CDH12: variants seen among roughly 807,000 people sequenced by gnomAD.
CDH12 encodes cadherin-12.
Under a neutral mutation model 74.1 loss-of-function variants are expected in CDH12, and 41 were observed. The ratio of observed to expected loss-of-function variants is 0.55; its 90% CI spans 0.43 to 0.72. The LOEUF is 0.72. Among genes scored for constraint, CDH12 ranks in the 30% least tolerant of loss-of-function variants. The pLI is 0.00. For missense variants in CDH12, 945 were observed against 977.2 expected, an observed-to-expected ratio of 0.97 and a Z score of 0.44; for synonymous variants, 399 against 355.0, an observed-to-expected ratio of 1.12 and a Z score of -1.39.
chr5:22,336,601 G>C (rs1739594445), intron 3 of CDH12, among the ~76,000 whole-genome samples: 1 of 152,230 alleles, frequency 6.6e-6, no homozygotes, highest in African/African-American at 2.4e-5. Flanking sequence ...TTCAGAGGGT[G>C]CAAGCCACAA....
intron 2 of CDH12, among the ~76,000 whole-genome samples, chr5:22,468,608 T>A (rs1297121870): frequency 6.6e-6 from 1 of 152,124 alleles, no homozygotes; most frequent in Non-Finnish European, 1.5e-5. Flanking sequence ...TCTCCATAGC[T>A]TTGTTTTACT....
intron 5 of CDH12, among the ~76,000 whole-genome samples, chr5:22,076,102 A>G (rs1213433640): frequency 1.3e-5 from 2 of 152,136 alleles, no homozygotes; most frequent in Admixed American, 6.6e-5. Context: ...TTAGAAATGT[A>G]CATTGCTTGA....
chr5:22,547,050 T>C (rs949917561), intron 1 of CDH12, among the ~76,000 whole-genome samples: 1 of 152,216 alleles, frequency 6.6e-6, no homozygotes, highest in Non-Finnish European at 1.5e-5. Flanking sequence ...AAATCATATT[T>C]ATGATGCACA....
At chr5:21,836,379 G>C (rs1749536539) in intron 8 of CDH12, among the ~76,000 whole-genome samples, 2 of 150,616 alleles carry the variant, frequency 1.3e-5, no homozygotes, top group Non-Finnish European at 3.0e-5. Flanking sequence ...TTCTTAGAAC[G>C]ATTATTGACG....
At chr5:22,845,286 T>G (rs1338175406) in intron 1 of CDH12, among the ~76,000 whole-genome samples, 1 of 152,124 alleles carries the variant, frequency 6.6e-6, no homozygotes, top group African/African-American at 2.4e-5. Context: ...GATTAGTACA[T>G]TTATAGGCCA....
At chr5:22,648,038 G>A (rs74492364) in intron 1 of CDH12, among the ~76,000 whole-genome samples, 8,066 of 151,750 alleles carry the variant, frequency 0.053, 253 homozygotes, top group Non-Finnish European at 0.062. Flanking sequence ...CTAAATATTT[G>A]TGAATTGCCA....
chr5:22,720,490 T>G (rs910121173), intron 1 of CDH12, among the ~76,000 whole-genome samples: 1 of 152,038 alleles, frequency 6.6e-6, no homozygotes, highest in East Asian at 1.9e-4. Flanking sequence ...ATATCGGAAA[T>G]TGGTGCTGCA....
intron 3 of CDH12, among the ~76,000 whole-genome samples, chr5:22,217,377 A>C (rs937950540): frequency 1.3e-5 from 2 of 151,826 alleles, no homozygotes; most frequent in Non-Finnish European, 3.0e-5. Flanking sequence ...AAAATTGGAG[A>C]GCATACTTAA....
At chr5:22,575,629 A>G (rs1303140586) in intron 1 of CDH12, among the ~76,000 whole-genome samples, 2 of 152,030 alleles carry the variant, frequency 1.3e-5, no homozygotes, top group Admixed American at 1.3e-4. Flanking sequence ...CACTGTTGCG[A>G]TCTCGGATCA....
intron 1 of CDH12, among the ~76,000 whole-genome samples, chr5:22,801,664 TATATA>T (rs1178089220): frequency 1.7e-5 from 2 of 121,104 alleles, no homozygotes; most frequent in Non-Finnish European, 3.2e-5. Flanking sequence ...TATATATATA[TATATA>T]TATATATATA....
intron 8 of CDH12, among the ~76,000 whole-genome samples, chr5:21,820,158 GC>G (rs1748286935): frequency 1.3e-5 from 2 of 151,894 alleles, no homozygotes; most frequent in South Asian, 4.1e-4. Flanking sequence ...AGATGAAAGA[GC>G]CCCCTTTCCA....
At chr5:22,728,228 G>A (rs978292545) in intron 1 of CDH12, among the ~76,000 whole-genome samples, 2 of 151,182 alleles carry the variant, frequency 1.3e-5, no homozygotes, top group African/African-American at 4.9e-5. Flanking sequence ...CCCAGTTCTA[G>A]TATTTCCATG....
intron 6 of CDH12, among the ~76,000 whole-genome samples, chr5:21,921,084 T>A (rs1428924984): frequency 6.6e-6 from 1 of 152,222 alleles, no homozygotes; most frequent in African/African-American, 2.4e-5. Context: ...CTTCTGTCTC[T>A]GTCCTTGAGG....
intron 8 of CDH12, among the ~76,000 whole-genome samples, chr5:21,830,207 A>G (rs1748931452): frequency 6.9e-6 from 1 of 145,968 alleles, no homozygotes; most frequent in African/African-American, 2.6e-5. Context: ...CTCAAAAAAA[A>G]AAAAAAAAAA....
intron 1 of CDH12, among the ~76,000 whole-genome samples, chr5:22,506,485 AC>A (rs1357148497): frequency 6.6e-6 from 1 of 152,092 alleles, no homozygotes; most frequent in Non-Finnish European, 1.5e-5. Context: ...TTTTTGACAT[AC>A]CATATTGGTT....
chr5:22,090,963 C>A (rs921439304), intron 4 of CDH12, among the ~76,000 whole-genome samples: 4 of 151,804 alleles, frequency 2.6e-5, no homozygotes, highest in Non-Finnish European at 5.9e-5. Context: ...CAAGTCTCCA[C>A]AAGTCATATC....
In CDH12 at chr5:21,889,654, A is replaced by G; in HGVS notation, c.527-34864T>C. 3 of 985,246 alleles carry G rather than the reference A, an allele frequency of 3.0e-6. No individual in the cohort carries two copies. In the South Asian group the frequency reaches 1.4e-4, roughly 46 times the overall value. The allele number at this position is 985,246 out of a possible 1,614,324, so 61.0% of individuals were successfully genotyped here. On this transcript the variant is annotated intron_variant, in intron 6 of 14. Transcript: ENST00000382254. ...TGATAACACAGCTTTCCATGCCATCAGTATCCTGAATGCTGAACAAAATCA... is the reference window on the plus strand; with the variant it reads ...TGATAACACAGCTTTCCATGCCATCGGTATCCTGAATGCTGAACAAAATCA...
intron 10 of CDH12, among the ~76,000 whole-genome samples, chr5:21,793,391 G>A (rs1310963433): frequency 6.6e-6 from 1 of 151,572 alleles, no homozygotes; most frequent in Non-Finnish European, 1.5e-5. Flanking sequence ...ACTTATATGT[G>A]TAAATTGAAT....
intron 2 of CDH12, among the ~76,000 whole-genome samples, chr5:22,452,476 C>A (rs1223897332): frequency 6.6e-6 from 1 of 151,886 alleles, no homozygotes; most frequent in Non-Finnish European, 1.5e-5. Flanking sequence ...GGGGACACAA[C>A]AGTCTCTTCA....
Sources: allele counts gnomAD v4.1 joint callset (sites outside exome capture counted in the v4.1 genomes callset), GRCh38; gene constraint gnomAD v4.1.1; transcripts MANE v1.5; gene names NCBI Gene and HGNC (gene_info 2026-07-23, HGNC 2026-07-21).